The following KIR2DL4 variants were observed in gnomAD, a reference collection of about 807,000 sequenced individuals.
The protein encoded by KIR2DL4 is killer cell immunoglobulin-like receptor 2DL4.
In KIR2DL4, 41 loss-of-function variants were observed where a neutral mutation model predicts 31.0. That is an observed-to-expected ratio of 1.32 (90% CI 1.03 to 1.72). The LOEUF (loss-of-function observed/expected upper bound fraction) is 1.72. Among genes scored for constraint, KIR2DL4 ranks in the 40% most tolerant of loss-of-function variants. The pLI is 0.00. For synonymous variants in KIR2DL4, 164 were observed against 133.6 expected (o/e 1.23, Z -1.57); for missense variants, 438 against 353.7 (o/e 1.24, Z -1.91).
intron 4 of KIR2DL4, among the ~76,000 whole-genome samples, chr19:54,806,808 G>A (rs1191857556): frequency 6.7e-6 from 1 of 149,904 alleles, no homozygotes; most frequent in African/African-American, 2.5e-5. Flanking sequence ...AGGGGCTGGA[G>A]ACCAGCCTGG....
chr19:54,803,624 A>T, exon 1 of KIR2DL4: 1 of 1,612,050 alleles, frequency 6.2e-7, no homozygotes, highest in South Asian at 1.1e-5. Flanking sequence ...GAGCCGAGTC[A>T]CTGCGTCCTG....
intron 6 of KIR2DL4, 97 bp from the exon 6 acceptor site, chr19:54,813,593 G>C (rs2061008819): frequency 3.1e-6 from 4 of 1,281,740 alleles, no homozygotes; most frequent in African/African-American, 1.5e-5. Flanking sequence ...AGGGACCTCA[G>C]GCACCTATGG....
At chr19:54,813,970 A>C (rs1489918025) in exon 8 of KIR2DL4, 1 of 1,611,758 alleles carries the variant, frequency 6.2e-7, no homozygotes, top group Admixed American at 1.7e-5. Flanking sequence ...GCGTGTGTAT[A>C]GAACTTCCAA....
chr19:54,806,068 A>G (rs886411212), exon 4 of KIR2DL4: 1 of 1,611,940 alleles, frequency 6.2e-7, no homozygotes, highest in Non-Finnish European at 8.5e-7. Flanking sequence ...CTATCCAGGG[A>G]GGGGGAAGCC....
At chr19:54,806,359 T>C (rs2060529883) in intron 4 of KIR2DL4, 115 bp downstream of exon 4, 4 of 1,200,348 alleles carry the variant, frequency 3.3e-6, no homozygotes, top group Middle Eastern at 2.0e-4. Context: ...TGCAGCATGG[T>C]GTGAGGGTGG....
intron 1 of KIR2DL4, 42 bp downstream of exon 1, chr19:54,803,733 G>T: frequency 6.3e-7 from 1 of 1,599,876 alleles, no homozygotes. Context: ...TACACTATGG[G>T]CCTGCAGATT....
At chr19:54,804,820 C>A (rs2060401028) in exon 3 of KIR2DL4, 1 of 1,612,160 alleles carries the variant, frequency 6.2e-7, no homozygotes, top group Admixed American at 1.7e-5. Context: ...TTCTGCTCTG[C>A]CTGGCCCAGC....
chr19:54,804,001 C>G (rs1387945582), intron 2 of KIR2DL4, 75 bp downstream of exon 2: 1 of 1,349,556 alleles, frequency 7.4e-7, no homozygotes, highest in East Asian at 2.3e-5. Context: ...GGGAGGGAGG[C>G]AGCACAGAGG....
exon 8 of KIR2DL4, chr19:54,813,877 C>A: frequency 1.2e-6 from 2 of 1,612,036 alleles, no homozygotes; most frequent in Non-Finnish European, 1.7e-6. Context: ...AGGTGACATA[C>A]GCACAGTTGG....
chr19:54,804,733 C>A (rs1601118137), intron 2 of KIR2DL4, 60 bp from the exon 3 acceptor site: 2 of 1,535,014 alleles, frequency 1.3e-6, no homozygotes. Flanking sequence ...CTTCTGAGCA[C>A]AGGGAGGGAG....
At chr19:54,809,178 G>A (rs1183629251) in intron 5 of KIR2DL4, among the ~76,000 whole-genome samples, 2 of 150,904 alleles carry the variant, frequency 1.3e-5, no homozygotes, top group Non-Finnish European at 2.9e-5. Flanking sequence ...CTAACTGGGA[G>A]GACAAATGCC....
intron 4 of KIR2DL4, among the ~76,000 whole-genome samples, chr19:54,806,988 C>T (rs1044976932): frequency 6.7e-6 from 1 of 149,486 alleles, no homozygotes; most frequent in Non-Finnish European, 1.5e-5. Context: ...GCACTGCAGC[C>T]TGGTGACACA....
In KIR2DL4 at chr19:54,804,780, C is replaced by T; in HGVS notation, c.77-13C>T. 1.2e-6 allele frequency: 2 copies of T among 1,609,356 alleles called. No homozygotes were observed. Among genetic ancestry groups the T allele is most frequent in the South Asian group, 1.1e-5 (1 of 90,232 alleles). ...CATACTCCTCTCTGAGGCGGCATCT[C>T]CTTCTCCCCAAGGTGGTCAGGACAA... On this transcript the variant is annotated splice_polypyrimidine_tract_variant and intron_variant, in intron 2 of 7. Coordinates refer to ENST00000359085, the Ensembl canonical transcript of KIR2DL4.
chr19:54,805,111 C>T (rs1416374891), intron 3 of KIR2DL4, 34 bp downstream of exon 3: 1 of 1,555,014 alleles, frequency 6.4e-7, no homozygotes, highest in Non-Finnish European at 8.7e-7. Context: ...TCTCCTTGTC[C>T]CACCTCCTGA....
intron 5 of KIR2DL4, among the ~76,000 whole-genome samples, chr19:54,810,188 G>T (rs2060776053): frequency 6.7e-6 from 1 of 150,054 alleles, no homozygotes; most frequent in Non-Finnish European, 1.5e-5. Flanking sequence ...GCGGGATCTC[G>T]GCTCACCGCA....
intron 5 of KIR2DL4, among the ~76,000 whole-genome samples, chr19:54,812,656 G>A (rs1168481265): frequency 6.7e-6 from 1 of 150,284 alleles, no homozygotes; most frequent in Non-Finnish European, 1.5e-5. Flanking sequence ...AGAAGAGAAG[G>A]GGGTCCTGCG....
At chr19:54,803,682 G>T in exon 1 of KIR2DL4, 6 of 1,612,198 alleles carry the variant, frequency 3.7e-6, no homozygotes, top group Non-Finnish European at 5.1e-6. Context: ...CATCATCCTG[G>T]CATGTCTTGG....
At chr19:54,808,563 T>C (rs1313063424) in intron 4 of KIR2DL4, among the ~76,000 whole-genome samples, 1 of 150,062 alleles carries the variant, frequency 6.7e-6, no homozygotes, top group Non-Finnish European at 1.5e-5. Context: ...TTATGTGCTT[T>C]TCTTTATGCC....
exon 8 of KIR2DL4, chr19:54,814,067 C>G: frequency 1.9e-6 from 3 of 1,612,218 alleles, no homozygotes; most frequent in South Asian, 2.2e-5. Flanking sequence ...AGCCCTGTCT[C>G]AAACCCAGCT....
Sources: allele counts gnomAD v4.1 joint callset (sites outside exome capture counted in the v4.1 genomes callset), GRCh38; gene constraint gnomAD v4.1.1; transcripts MANE v1.5; gene names NCBI Gene and HGNC (gene_info 2026-07-23, HGNC 2026-07-21).